PRPSAP2: variants seen among roughly 807,000 people sequenced by gnomAD.
PRPSAP2 encodes the protein phosphoribosyl pyrophosphate synthase-associated protein 2.
Under a neutral mutation model 40.6 loss-of-function variants are expected in PRPSAP2, and 24 were observed. That is an observed-to-expected ratio of 0.59 (90% CI 0.43 to 0.83). PRPSAP2 has a LOEUF of 0.83. Ranked by LOEUF, PRPSAP2 falls within the 40% of genes least tolerant of loss-of-function variation. The pLI is 0.00. For synonymous variants in PRPSAP2, 149 were observed against 164.7 expected (o/e 0.90, Z 0.73); for missense variants, 292 against 465.6 (o/e 0.63, Z 3.43).
At chr17:18,866,036 T>C (rs2386404) in intron 3 of PRPSAP2, 84 bp downstream of exon 3, 541,678 of 1,006,198 alleles carry the variant, frequency 0.54, 146,711 homozygotes, top group Middle Eastern at 0.59. Flanking sequence ...TATTGTTAAA[T>C]TTGAAAGCAG....
At chr17:18,890,751 C>T (rs965694979) in intron 8 of PRPSAP2, among the ~76,000 whole-genome samples, 1 of 151,996 alleles carries the variant, frequency 6.6e-6, no homozygotes, top group Non-Finnish European at 1.5e-5. Context: ...TACTAGCAGA[C>T]AACTTCATAG....
At chr17:18,927,985 T>C (rs1448515441) in intron 10 of PRPSAP2, among the ~76,000 whole-genome samples, 1 of 152,128 alleles carries the variant, frequency 6.6e-6, no homozygotes, top group African/African-American at 2.4e-5. Flanking sequence ...GGTTTCGTCA[T>C]GTTGCTCAGG....
At chr17:18,923,854 T>C (rs1176482536) in intron 9 of PRPSAP2, 60 bp from the exon 10 acceptor site, 1 of 1,430,934 alleles carries the variant, frequency 7.0e-7, no homozygotes, top group African/African-American at 1.5e-5. Flanking sequence ...TTAACTTCTT[T>C]AAAGTTTTGT....
chr17:18,901,574 C>T (rs2040270579), intron 8 of PRPSAP2, among the ~76,000 whole-genome samples: 1 of 152,054 alleles, frequency 6.6e-6, no homozygotes, highest in Non-Finnish European at 1.5e-5. Context: ...GAGACAGTTT[C>T]ACCATGTTAG....
intron 3 of PRPSAP2, among the ~76,000 whole-genome samples, chr17:18,866,922 G>C (rs1226539047): frequency 6.6e-6 from 1 of 152,154 alleles, no homozygotes; most frequent in East Asian, 1.9e-4. Flanking sequence ...GAGCCACCAA[G>C]TGAAGGTCTG....
At chr17:18,892,737 A>ATTTTTTTT (rs1164343157) in intron 8 of PRPSAP2, among the ~76,000 whole-genome samples, 5 of 57,824 alleles carry the variant, frequency 8.6e-5, no homozygotes, top group South Asian at 4.4e-4. Flanking sequence ...GTATTTATTT[A>ATTTTTTTT]TTTATTTATT....
In PRPSAP2 at chr17:18,926,777, AGT is replaced by A. The variant is rs71155377; in HGVS notation, c.805-2009_805-2008del. Among the ~76,000 whole-genome samples the A allele has an allele frequency of 6.4e-3, 955 of 148,110 alleles. 7 individuals are homozygous for A. The highest frequency in any genetic ancestry group is 0.012 in the African/African-American group (481 of 40,424). On this transcript the variant is annotated intron_variant, in intron 10 of 11. Coordinates refer to ENST00000268835, the MANE Select transcript of PRPSAP2 (RefSeq NM_002767.4). Reference sequence around the variant, plus strand: ...ACCAGTTGTGCATGTAGTGAGTGTGAGTGTGTGTGTGTGTGTGTGTGTGTGTT... The same window carrying A: ...ACCAGTTGTGCATGTAGTGAGTGTGAGTGTGTGTGTGTGTGTGTGTGTGTT...
At chr17:18,871,590 A>G (rs1391224428) in intron 4 of PRPSAP2, among the ~76,000 whole-genome samples, 2 of 151,316 alleles carry the variant, frequency 1.3e-5, no homozygotes, top group Non-Finnish European at 2.9e-5. Context: ...ACAACATACA[A>G]TGTTTTGTAC....
intron 9 of PRPSAP2, among the ~76,000 whole-genome samples, chr17:18,919,541 GC>G (rs1424915848): frequency 2.6e-5 from 4 of 151,784 alleles, no homozygotes; most frequent in African/African-American, 9.7e-5. Flanking sequence ...ATGGTGGTGT[GC>G]CTGTAATCCC....
chr17:18,868,478 CAG>C (rs554766810), intron 4 of PRPSAP2, among the ~76,000 whole-genome samples: 31 of 145,512 alleles, frequency 2.1e-4, no homozygotes, highest in Non-Finnish European at 4.5e-4. Flanking sequence ...GACTTTGTCT[CAG>C]GGGAAAAAAA....
At chr17:18,893,757 C>T (rs954957711) in intron 8 of PRPSAP2, among the ~76,000 whole-genome samples, 5 of 152,104 alleles carry the variant, frequency 3.3e-5, no homozygotes, top group African/African-American at 7.2e-5. Context: ...GACGGGGTTT[C>T]GCCATGTTGG....
intron 8 of PRPSAP2, among the ~76,000 whole-genome samples, chr17:18,891,768 A>T (rs1005810522): frequency 6.6e-6 from 1 of 152,162 alleles, no homozygotes; most frequent in African/African-American, 2.4e-5. Flanking sequence ...CGGCAGCCAC[A>T]CAGTATGTGG....
chr17:18,916,696 A>G (rs1055319902), intron 9 of PRPSAP2, among the ~76,000 whole-genome samples: 3 of 152,148 alleles, frequency 2.0e-5, no homozygotes, highest in Non-Finnish European at 2.9e-5. Context: ...TGGGTAATTT[A>G]TAAACAACAG....
chr17:18,867,248 C>T (rs763321843), intron 3 of PRPSAP2, 34 bp from the exon 4 acceptor site: 3 of 1,606,330 alleles, frequency 1.9e-6, no homozygotes, highest in Non-Finnish European at 2.6e-6. Flanking sequence ...TCTTCTATTA[C>T]TTTTTCAGCT....
intron 7 of PRPSAP2, among the ~76,000 whole-genome samples, chr17:18,883,156 A>C (rs1197654574): frequency 6.6e-6 from 1 of 152,136 alleles, no homozygotes; most frequent in Admixed American, 6.6e-5. Context: ...ACTGTCCTGA[A>C]GCGGTGCTGA....
intron 8 of PRPSAP2, chr17:18,904,684 C>T (rs980617718): frequency 6.6e-6 from 1 of 152,210 alleles, no homozygotes; most frequent in Admixed American, 6.5e-5. Context: ...TAAAAGGGAT[C>T]ATCAGAGAAA....
chr17:18,871,694 C>G (rs1243315563), intron 4 of PRPSAP2, among the ~76,000 whole-genome samples: 2 of 135,596 alleles, frequency 1.5e-5, no homozygotes, highest in Non-Finnish European at 1.5e-5. Context: ...GAGTTTCGCT[C>G]TTGTTGCCCA....
chr17:18,892,016 C>T (rs2039575365), intron 8 of PRPSAP2, among the ~76,000 whole-genome samples: 1 of 152,192 alleles, frequency 6.6e-6, no homozygotes, highest in South Asian at 2.1e-4. Flanking sequence ...GCTACCACAC[C>T]TGGGTAATTT....
chr17:18,903,739 C>G (rs2040419663), intron 8 of PRPSAP2, among the ~76,000 whole-genome samples: 1 of 151,890 alleles, frequency 6.6e-6, no homozygotes, highest in African/African-American at 2.4e-5. Context: ...CTCAAAAAAA[C>G]AAAGTAAAAT....
Sources: gnomAD v4.1 joint callset for allele counts (sites outside exome capture counted in the v4.1 genomes callset) on GRCh38, gnomAD v4.1.1 for gene constraint, MANE v1.5 for transcripts, NCBI Gene and HGNC (gene_info 2026-07-23, HGNC 2026-07-21) for gene names.